Variants in LIMCH1 observed in about 807,000 individuals in gnomAD.
The protein encoded by LIMCH1 is LIM and calponin homology domains 1, also known as LIM and calponin homology domains-containing protein 1.
LIMCH1 carries 113 observed loss-of-function variants against 176.5 expected under a neutral mutation model. That is an observed-to-expected ratio of 0.64 (90% CI 0.55 to 0.75). LIMCH1 has a LOEUF of 0.75. Ranked by LOEUF, LIMCH1 falls within the 30% of genes least tolerant of loss-of-function variation. The pLI is 0.00. For synonymous variants in LIMCH1, 619 were observed against 645.9 expected, an observed-to-expected ratio of 0.96 and a Z score of 0.63; for missense variants, 1,674 against 1,814.9, an observed-to-expected ratio of 0.92 and a Z score of 1.41.
chr4:41,597,120 C>T (rs1390545255), intron 1 of LIMCH1, among the ~76,000 whole-genome samples: 1 of 152,122 alleles, frequency 6.6e-6, no homozygotes, highest in Non-Finnish European at 1.5e-5. Context: ...TCTTCCATGG[C>T]CTTCGAGGCG....
intron 1 of LIMCH1, among the ~76,000 whole-genome samples, chr4:41,422,910 A>G (rs28398937): frequency 0.014 from 2,161 of 152,208 alleles, 47 homozygotes; most frequent in African/African-American, 0.049. Flanking sequence ...GGTGTGTGCC[A>G]CCACACCCAG....
intron 13 of LIMCH1, among the ~76,000 whole-genome samples, chr4:41,638,441 C>T (rs528307499): frequency 5.9e-5 from 9 of 152,278 alleles, no homozygotes; most frequent in African/African-American, 2.2e-4. Flanking sequence ...ACTGCAGAAA[C>T]ACTCTTTGAT....
rs376390614 is a variant in LIMCH1, at chr4:41,646,693, C to T, written c.2620C>T (p.Leu874=). ...FLNDPNPMKY[L]RQQSLPPPKF... ...GAATGACCCCAATCCCATGAAATAC[C>T]TGCGGCAACAGTCACTGCCTCCACC... is the stretch of plus-strand genomic sequence containing the variant. Residue 874 remains leucine, a synonymous_variant, in exon 17 of 32, where the codon CTG becomes TTG. Coordinates refer to ENST00000503057, the MANE Select transcript of LIMCH1 (RefSeq NM_001330672.2). 1.1e-5 allele frequency: 18 copies of T among 1,614,176 alleles called. No individual in the cohort carries two copies. The highest frequency in any genetic ancestry group is 1.5e-5 in the Non-Finnish European group (18 of 1,180,030).
chr4:41,633,088 G>C lies in LIMCH1; in HGVS notation c.1829+3G>C. On this transcript the variant is annotated splice_donor_region_variant and intron_variant, in intron 12 of 31. Coordinates refer to ENST00000503057, the MANE Select transcript of LIMCH1 (RefSeq NM_001330672.2). Reference sequence around the variant, plus strand: ...TCAGAGGACAGCAGCCAGCCACTGTGAGCATCTTGCCTGCGCTCTGCTCCG... The same window carrying C: ...TCAGAGGACAGCAGCCAGCCACTGTCAGCATCTTGCCTGCGCTCTGCTCCG... 6.5e-7 allele frequency: 1 copy of C among 1,530,160 alleles called. No homozygotes were observed. The highest frequency in any genetic ancestry group is 8.8e-7 in the Non-Finnish European group (1 of 1,142,376). 94.8% of individuals were successfully genotyped at this position (1,530,160 alleles called of 1,614,324 possible). A position where few individuals can be genotyped will look rare whatever the true frequency, so the allele number is the denominator to read the frequency against.
chr4:41,605,935 CT>C lies in LIMCH1; in HGVS notation c.-60del. 2 of 1,613,766 alleles carry C rather than the reference CT, an allele frequency of 1.2e-6. No individual in the cohort carries two copies. Among genetic ancestry groups the C allele is most frequent in the Non-Finnish European group, 1.7e-6 (2 of 1,179,746 alleles). ...ACTGGCTGGGAAAAGCAGCAAACAGCTGCACATCCTACAGCGGAACGACACT... is the reference window on the plus strand; with the variant it reads ...ACTGGCTGGGAAAAGCAGCAAACAGCGCACATCCTACAGCGGAACGACACT... On this transcript the variant is annotated 5_prime_UTR_variant, in exon 4 of 32. Transcript: ENST00000503057.
chr4:41,631,618 G>A (rs1406324271), intron 10 of LIMCH1, 141 bp downstream of exon 10: 3 of 681,894 alleles, frequency 4.4e-6, no homozygotes, highest in Non-Finnish European at 6.8e-6. Context: ...TAATGTTAGC[G>A]GGTCCCCCTG....
chr4:41,420,306 A>G (rs1190474521), intron 1 of LIMCH1, among the ~76,000 whole-genome samples: 2 of 152,216 alleles, frequency 1.3e-5, no homozygotes, highest in Non-Finnish European at 2.9e-5. Flanking sequence ...TTGAATTATA[A>G]TAGTAGAACT....
chr4:41,618,889 G>C (rs901272479), intron 5 of LIMCH1, among the ~76,000 whole-genome samples: 15 of 152,120 alleles, frequency 9.9e-5, no homozygotes, highest in Admixed American at 5.2e-4. Flanking sequence ...AGAATCTCAG[G>C]AGGCATAAAA....
intron 1 of LIMCH1, among the ~76,000 whole-genome samples, chr4:41,367,692 A>C (rs1382851926): frequency 7.3e-5 from 11 of 149,948 alleles, no homozygotes; most frequent in African/African-American, 1.5e-4. Flanking sequence ...TCCAAAAAAA[A>C]AAAAAAAAAA....
rs371603060 is a variant in LIMCH1 at position 41,692,277 on chromosome 4, T to C, written c.4276-5T>C. On this transcript the variant is annotated splice_region_variant and splice_polypyrimidine_tract_variant and intron_variant, in intron 30 of 31. Coordinates refer to ENST00000503057, the MANE Select transcript of LIMCH1 (RefSeq NM_001330672.2). ...CTTATGATGTCTGTTCTTTTTACCC[T>C]ATAGTGTGGAATTTGTAAAGGCCAG... 23 of 1,572,314 alleles carry C rather than the reference T, an allele frequency of 1.5e-5. No homozygotes were observed. The highest frequency in any genetic ancestry group is 2.7e-5 in the African/African-American group (2 of 74,082).
chr4:41,586,830 G>A (rs554305948), intron 1 of LIMCH1, among the ~76,000 whole-genome samples: 1 of 152,180 alleles, frequency 6.6e-6, no homozygotes, highest in African/African-American at 2.4e-5. Flanking sequence ...TACAGCTGCT[G>A]TATGGATGGT....
intron 1 of LIMCH1, among the ~76,000 whole-genome samples, chr4:41,386,163 G>A (rs1164878433): frequency 2.6e-5 from 4 of 152,218 alleles, no homozygotes; most frequent in Non-Finnish European, 5.9e-5. Context: ...ATGGCATCCA[G>A]TAGTAGCACC....
At chr4:41,631,084 T>C in intron 9 of LIMCH1, 64 bp from the exon 10 acceptor site, 1 of 1,331,700 alleles carries the variant, frequency 7.5e-7, no homozygotes, top group Non-Finnish European at 9.8e-7. Context: ...TTTGTTTTTT[T>C]TTTAAAAACC....
chr4:41,618,225 C>G (rs10805090), intron 5 of LIMCH1, among the ~76,000 whole-genome samples: 100,686 of 152,052 alleles, frequency 0.66, 34,800 homozygotes, highest in East Asian at 0.86. Flanking sequence ...TTGAAGTGGC[C>G]GCTACTTATA....
intron 1 of LIMCH1, among the ~76,000 whole-genome samples, chr4:41,547,828 C>T (rs985816933): frequency 1.7e-5 from 2 of 120,568 alleles, no homozygotes; most frequent in African/African-American, 6.1e-5. Context: ...ATTATAAATA[C>T]ATATAATGTT....
chr4:41,627,177 C>T (rs1488227408), intron 8 of LIMCH1, among the ~76,000 whole-genome samples, 167 bp downstream of exon 8: 3 of 151,966 alleles, frequency 2.0e-5, no homozygotes, highest in Non-Finnish European at 2.9e-5. Flanking sequence ...TATTTTGAAG[C>T]GGAACTTTAG....
intron 18 of LIMCH1, among the ~76,000 whole-genome samples, chr4:41,656,207 C>T (rs764070255): frequency 2.0e-5 from 3 of 152,160 alleles, no homozygotes; most frequent in Admixed American, 6.5e-5. Context: ...GGAAAACAGA[C>T]AATCGGATCT....
rs1410707844 is a variant in LIMCH1 at position 41,598,987 on chromosome 4, C to T, written c.-173C>T. ...CTTAAAGAATCTCAACTTTTTGACC[C>T]GAGTGACCTCCAGGATACATCCAAC... On this transcript the variant is annotated 5_prime_UTR_variant, in exon 2 of 32. Coordinates refer to ENST00000503057, the MANE Select transcript of LIMCH1 (RefSeq NM_001330672.2). 6 of 1,611,682 alleles carry T rather than the reference C, an allele frequency of 3.7e-6. No individual in the cohort carries two copies. Among genetic ancestry groups the T allele is most frequent in the South Asian group, 1.1e-5 (1 of 90,968 alleles).
intron 1 of LIMCH1, among the ~76,000 whole-genome samples, chr4:41,379,877 C>A (rs954243207): frequency 6.6e-6 from 1 of 152,140 alleles, no homozygotes; most frequent in Admixed American, 6.6e-5. Context: ...CAGCTCACTG[C>A]AACCTCCATC....
Sources: allele counts gnomAD v4.1 joint callset (sites outside exome capture counted in the v4.1 genomes callset), GRCh38; gene constraint gnomAD v4.1.1; transcripts MANE v1.5; gene names NCBI Gene and HGNC (gene_info 2026-07-23, HGNC 2026-07-21).